Variants in NUBPL observed in about 807,000 individuals in gnomAD.
NUBPL encodes the protein NUBP iron-sulfur cluster assembly factor, mitochondrial.
In NUBPL, 31 loss-of-function variants were observed where a neutral mutation model predicts 45.7. The observed-to-expected ratio is 0.68, with a 90% confidence interval of 0.51 to 0.92. The LOEUF is 0.92. Ranked by LOEUF, NUBPL falls within the 40% of genes least tolerant of loss-of-function variation. The pLI, the probability that NUBPL is intolerant of heterozygous loss-of-function variation, is 0.00. For missense variants in NUBPL, 401 were observed against 398.7 expected (o/e 1.01, Z -0.05); for synonymous variants, 144 against 140.9 (o/e 1.02, Z -0.15).
intron 4 of NUBPL, among the ~76,000 whole-genome samples, chr14:31,640,885 G>T (rs1287860347): frequency 6.6e-6 from 1 of 152,042 alleles, no homozygotes; most frequent in Non-Finnish European, 1.5e-5. Context: ...TTGTACAATT[G>T]ATTAATGTTA....
intron 10 of NUBPL, among the ~76,000 whole-genome samples, chr14:31,853,334 A>C (rs1477623235): frequency 6.6e-6 from 1 of 152,140 alleles, no homozygotes; most frequent in Non-Finnish European, 1.5e-5. Flanking sequence ...GGGATTACAG[A>C]CATGAGCCAT....
intron 3 of NUBPL, among the ~76,000 whole-genome samples, chr14:31,580,480 T>C (rs1426352691): frequency 6.6e-6 from 1 of 152,124 alleles, no homozygotes; most frequent in African/African-American, 2.4e-5. Context: ...TAGCTGGGCA[T>C]GGTGGCGTAC....
chr14:31,633,757 C>G (rs1367324488), intron 4 of NUBPL, among the ~76,000 whole-genome samples: 1 of 152,094 alleles, frequency 6.6e-6, no homozygotes, highest in East Asian at 1.9e-4. Context: ...CATATTATTC[C>G]TAGTCCTGTC....
chr14:31,799,853 A>C (rs1469293179), intron 7 of NUBPL, among the ~76,000 whole-genome samples: 1 of 152,342 alleles, frequency 6.6e-6, no homozygotes, highest in East Asian at 1.9e-4. Flanking sequence ...TGCTGCATCA[A>C]CTGACTCTTC....
intron 8 of NUBPL, among the ~76,000 whole-genome samples, chr14:31,830,949 C>T (rs2040179602): frequency 6.6e-6 from 1 of 152,096 alleles, no homozygotes; most frequent in Non-Finnish European, 1.5e-5. Flanking sequence ...AACATTTTAA[C>T]CTCACTTTTC....
chr14:31,610,621 A>AAAAAAAAAAAAAAAAAAAAAAAAC, intron 4 of NUBPL, among the ~76,000 whole-genome samples: 1 of 150,322 alleles, frequency 6.7e-6, no homozygotes, highest in Non-Finnish European at 1.5e-5. Context: ...AAAAAAAAAA[A>AAAAAAAAAAAAAAAAAAAAAAAAC]AAAAAAAAAG....
intron 3 of NUBPL, among the ~76,000 whole-genome samples, chr14:31,580,501 C>G (rs1261030268): frequency 6.6e-6 from 1 of 152,092 alleles, no homozygotes; most frequent in Non-Finnish European, 1.5e-5. Flanking sequence ...AGCTGTAGTC[C>G]CAGCTACTCA....
At chr14:31,625,105 A>G (rs961115047) in intron 4 of NUBPL, among the ~76,000 whole-genome samples, 1 of 152,188 alleles carries the variant, frequency 6.6e-6, no homozygotes, top group Non-Finnish European at 1.5e-5. Context: ...ATATTAGCCT[A>G]AGGTCATCAG....
At chr14:31,621,691 C>A (rs374256889) in intron 4 of NUBPL, among the ~76,000 whole-genome samples, 6 of 152,218 alleles carry the variant, frequency 3.9e-5, no homozygotes, top group Admixed American at 6.5e-5. Context: ...CCGCCTTCTG[C>A]GTCGATCTCG....
intron 6 of NUBPL, among the ~76,000 whole-genome samples, chr14:31,708,020 G>T (rs1433733002): frequency 2.0e-5 from 3 of 152,208 alleles, no homozygotes. Flanking sequence ...GGGGAATACA[G>T]AAGAAGGCAT....
At chr14:31,597,762 G>A (rs898773917) in intron 3 of NUBPL, among the ~76,000 whole-genome samples, 5 of 151,962 alleles carry the variant, frequency 3.3e-5, no homozygotes, top group Non-Finnish European at 5.9e-5. Context: ...TTTAGTTTTT[G>A]TAGGTGTCAT....
At chr14:31,751,812 C>T (rs1377161049) in intron 6 of NUBPL, among the ~76,000 whole-genome samples, 1 of 152,146 alleles carries the variant, frequency 6.6e-6, no homozygotes, top group Non-Finnish European at 1.5e-5. Flanking sequence ...AGAGGTTTTC[C>T]ATTAGGGCTC....
At chr14:31,652,112 G>A (rs966365332) in intron 4 of NUBPL, among the ~76,000 whole-genome samples, 10 of 152,140 alleles carry the variant, frequency 6.6e-5, no homozygotes, top group African/African-American at 2.4e-4. Flanking sequence ...ATACTACTCA[G>A]CCTCATAAAA....
intron 6 of NUBPL, among the ~76,000 whole-genome samples, chr14:31,689,862 C>A (rs892632652): frequency 6.6e-6 from 1 of 151,486 alleles, no homozygotes; most frequent in African/African-American, 2.4e-5. Context: ...GGGATCCAGT[C>A]TGAATCTTCT....
At chr14:31,769,584 T>TA (rs35911980) in intron 6 of NUBPL, among the ~76,000 whole-genome samples, 7 of 151,094 alleles carry the variant, frequency 4.6e-5, no homozygotes, top group African/African-American at 1.5e-4. Context: ...ATCATTCCAT[T>TA]AAAAAAAAAG....
intron 3 of NUBPL, among the ~76,000 whole-genome samples, chr14:31,588,837 TGA>T (rs1489403218): frequency 6.7e-6 from 1 of 150,234 alleles, no homozygotes; most frequent in Non-Finnish European, 1.5e-5. Context: ...AAGAATTGCT[TGA>T]ACCCAGGAGG....
chr14:31,650,030 T>A (rs1169326845), intron 4 of NUBPL, among the ~76,000 whole-genome samples: 1 of 151,750 alleles, frequency 6.6e-6, no homozygotes, highest in Non-Finnish European at 1.5e-5. Context: ...CGGCTAATTT[T>A]GTATTTTTAG....
At chr14:31,756,816 A>G (rs1424013424) in intron 6 of NUBPL, among the ~76,000 whole-genome samples, 1 of 152,094 alleles carries the variant, frequency 6.6e-6, no homozygotes, top group Admixed American at 6.6e-5. Context: ...TTGCCCATTC[A>G]GTATGATATT....
intron 6 of NUBPL, among the ~76,000 whole-genome samples, chr14:31,748,941 G>T (rs891210810): frequency 2.0e-4 from 31 of 152,060 alleles, no homozygotes; most frequent in Non-Finnish European, 3.5e-4. Context: ...CATTTGCATG[G>T]AATCTTTTTT....
Sources: allele counts gnomAD v4.1 joint callset (sites outside exome capture counted in the v4.1 genomes callset), GRCh38; gene constraint gnomAD v4.1.1; transcripts MANE v1.5; gene names NCBI Gene and HGNC (gene_info 2026-07-23, HGNC 2026-07-21).